FOXO1: variants seen among roughly 807,000 people sequenced by gnomAD.
FOXO1 encodes forkhead box O1.
In FOXO1, 6 loss-of-function variants were observed where a neutral mutation model predicts 44.1. The observed-to-expected ratio is 0.14, with a 90% CI of 0.07 to 0.27. The LOEUF is 0.27. Among genes scored for constraint, FOXO1 ranks in the 10% least tolerant of loss-of-function variants. The pLI, the probability that FOXO1 is intolerant of heterozygous loss-of-function variation, is 1.00. For missense variants in FOXO1, 737 were observed against 888.8 expected, an observed-to-expected ratio of 0.83 and a Z score of 2.17; for synonymous variants, 380 against 362.7, an observed-to-expected ratio of 1.05 and a Z score of -0.54.
At chr13:40,659,027 A>T (rs1877948812) in intron 1 of FOXO1, among the ~76,000 whole-genome samples, 1 of 151,062 alleles carries the variant, frequency 6.6e-6, no homozygotes, top group South Asian at 2.1e-4. Context: ...AGAAAAAGAA[A>T]AGAAAAGGAA....
intron 1 of FOXO1, among the ~76,000 whole-genome samples, chr13:40,563,638 C>T (rs1012333289): frequency 2.6e-5 from 4 of 152,134 alleles, no homozygotes; most frequent in Admixed American, 6.5e-5. Context: ...CCTCGAGACA[C>T]GCTGTGAGGA....
At chr13:40,627,091 C>T (rs1311045690) in intron 1 of FOXO1, among the ~76,000 whole-genome samples, 1 of 152,214 alleles carries the variant, frequency 6.6e-6, no homozygotes, top group Non-Finnish European at 1.5e-5. Flanking sequence ...ACTGCAATCA[C>T]CTTTGCTTCT....
rs912395244 is a variant in FOXO1 at position 40,629,541 on chromosome 13, C to T, written c.630+36042G>A. On this transcript the variant is annotated intron_variant, in intron 1 of 2. Coordinates refer to ENST00000379561, the MANE Select transcript of FOXO1 (RefSeq NM_002015.4). Reference sequence around the variant, plus strand: ...TATCCAAAATGATTGGAACCAGAAGCATTTTGGACTTTGGATTTTTTCAGA... The same window carrying T: ...TATCCAAAATGATTGGAACCAGAAGTATTTTGGACTTTGGATTTTTTCAGA... 2.0e-5 allele frequency among the ~76,000 whole-genome samples: 3 copies of T among 152,320 alleles called. No individual in the cohort carries two copies. In the East Asian group the frequency reaches 5.8e-4, roughly 29 times the overall value.
intron 1 of FOXO1, among the ~76,000 whole-genome samples, chr13:40,630,610 G>A (rs1009166447): frequency 2.6e-5 from 4 of 151,574 alleles, no homozygotes; most frequent in East Asian, 1.9e-4. Context: ...GGCCGAGATC[G>A]CGCCACTGCA....
intron 1 of FOXO1, among the ~76,000 whole-genome samples, chr13:40,575,028 T>C (rs1874689906): frequency 1.3e-5 from 2 of 152,296 alleles, no homozygotes; most frequent in Non-Finnish European, 1.5e-5. Context: ...AAATATATGA[T>C]AGACTTTAAA....
Position 40,568,783 on chromosome 13 carries a change from C to A in FOXO1, c.631-7923G>T, listed in dbSNP as rs190586642. On this transcript the variant is annotated intron_variant, in intron 1 of 2. Coordinates refer to ENST00000379561, the MANE Select transcript of FOXO1 (RefSeq NM_002015.4). ...CCCCCACTGTGCAGAGGTCTTAAAG[C>A]ATCTCCACTGATCCCAGGGCTGTGG... Among the ~76,000 whole-genome samples the A allele has an allele frequency of 9.6e-4, 146 of 152,124 alleles. 4 individuals are homozygous for A. Among genetic ancestry groups the A allele is most frequent in the Admixed American group, 7.2e-3 (110 of 15,276 alleles).
intron 1 of FOXO1, among the ~76,000 whole-genome samples, chr13:40,652,869 G>A (rs1299122769): frequency 6.6e-6 from 1 of 152,018 alleles, no homozygotes; most frequent in African/African-American, 2.4e-5. Flanking sequence ...TGGTTATTTT[G>A]CTTTCAAGCT....
In FOXO1 at chr13:40,560,041, C is replaced by T. The variant is rs200294842; in HGVS notation, c.1450G>A (p.Val484Ile). The T allele has an allele frequency of 2.5e-6, 4 of 1,613,988 alleles. No homozygotes were observed. The highest frequency in any genetic ancestry group is 1.6e-4 in the Middle Eastern group (1 of 6,084). ...AGAACCCGGCTGTTGGGCTGGGCTA[C>T]CCCAGGATCAACTGGTGTCATAATG... ...NDIMTPVDPG[V>I]AQPNSRVLGQ... The change falls in exon 2 of 3, where the codon GTA becomes ATA. Residue 484 changes from valine to isoleucine, a missense_variant. Physicochemically the swap from Val to Ile is conservative, Grantham distance 29. Around this residue, in one of 7 missense-constraint regions of FOXO1, gnomAD observed 283 missense variants for 278.1 expected, o/e 1.02. Coordinates refer to ENST00000379561, the MANE Select transcript of FOXO1 (RefSeq NM_002015.4). This position sits in a 1 kb window ranked among gnomAD's most constrained non-coding sequence, Gnocchi z 5.1.
At chr13:40,565,318 G>A (rs1047927112) in intron 1 of FOXO1, among the ~76,000 whole-genome samples, 9 of 152,102 alleles carry the variant, frequency 5.9e-5, no homozygotes, top group East Asian at 1.9e-4. Context: ...ATAAGTACAC[G>A]TAAAGAGCCA....
At chr13:40,658,621 GA>G (rs531429764) in intron 1 of FOXO1, among the ~76,000 whole-genome samples, 8 of 152,210 alleles carry the variant, frequency 5.3e-5, no homozygotes, top group African/African-American at 1.9e-4. Flanking sequence ...ATAGGAGAAG[GA>G]AAAATAAGCG....
intron 1 of FOXO1, among the ~76,000 whole-genome samples, chr13:40,568,668 C>T (rs1453907807): frequency 6.6e-6 from 1 of 152,056 alleles, no homozygotes; most frequent in African/African-American, 2.4e-5. Context: ...ATGCTTACAC[C>T]CTAGATCCTT....
In FOXO1 at chr13:40,583,699, T is replaced by C. The variant is rs530431485; in HGVS notation, c.631-22839A>G. Among the ~76,000 whole-genome samples the C allele has an allele frequency of 3.3e-5, 5 of 152,208 alleles. No individual in the cohort carries two copies. In the South Asian group the frequency reaches 1.0e-3, roughly 32 times the overall value. On this transcript the variant is annotated intron_variant, in intron 1 of 2. Coordinates refer to ENST00000379561, the MANE Select transcript of FOXO1 (RefSeq NM_002015.4). Reference sequence around the variant, plus strand: ...AAGAGTTACGGCCTTGCTCTGAACATGGCTTTGGCTTAAAGGAATGTTGTG... The same window carrying C: ...AAGAGTTACGGCCTTGCTCTGAACACGGCTTTGGCTTAAAGGAATGTTGTG...
intron 1 of FOXO1, among the ~76,000 whole-genome samples, chr13:40,583,535 A>G (rs1455903378): frequency 6.6e-6 from 1 of 152,218 alleles, no homozygotes. Flanking sequence ...CATCTTCTGG[A>G]TAACTTGCTG....
chr13:40,626,292 T>A (rs1050366661), intron 1 of FOXO1, among the ~76,000 whole-genome samples: 3 of 152,224 alleles, frequency 2.0e-5, no homozygotes, highest in Non-Finnish European at 4.4e-5. Flanking sequence ...GATTCAATAT[T>A]CACAAGTCTC....
chr13:40,607,035 A>G (rs1227746947), intron 1 of FOXO1, among the ~76,000 whole-genome samples: 1 of 152,072 alleles, frequency 6.6e-6, no homozygotes. Context: ...GTGCCACTTC[A>G]CCCTTCCCAG....
At chr13:40,638,325 T>C (rs762425203) in intron 1 of FOXO1, among the ~76,000 whole-genome samples, 12 of 151,960 alleles carry the variant, frequency 7.9e-5, no homozygotes, top group Non-Finnish European at 1.2e-4. Context: ...AGATAACTTA[T>C]AGAGGAACGT....
Position 40,665,970 on chromosome 13 carries a change from C to G in FOXO1, c.243G>C (p.Glu81Asp). 1 of 1,233,954 alleles carries G rather than the reference C, an allele frequency of 8.1e-7. No individual in the cohort carries two copies. Among genetic ancestry groups the G allele is most frequent in the Non-Finnish European group, 1.0e-6 (1 of 991,502 alleles). 76.4% of individuals were successfully genotyped at this position (1,233,954 alleles called of 1,614,324 possible). Residue 81 changes from glutamate to aspartate, a missense_variant, in exon 1 of 3, where the codon GAG becomes GAC. Coordinates refer to ENST00000379561, the MANE Select transcript of FOXO1 (RefSeq NM_002015.4). The part of the protein sequence containing the change: ...MSNLSLLEES[E>D]DFPQAPGSVA... Reference sequence around the variant, plus strand: ...CGGAGCCGGGCGCCTGCGGGAAGTCCTCGCTCTCCTCCAGCAAGCTCAGGT... The same window carrying G: ...CGGAGCCGGGCGCCTGCGGGAAGTCGTCGCTCTCCTCCAGCAAGCTCAGGT...
chr13:40,561,490 T>G (rs1874015647), intron 1 of FOXO1, among the ~76,000 whole-genome samples: 1 of 152,156 alleles, frequency 6.6e-6, no homozygotes, highest in Non-Finnish European at 1.5e-5. Flanking sequence ...CCGCTTAAAT[T>G]TTGCTTAGCT....
At chr13:40,610,972 T>G (rs770956818) in intron 1 of FOXO1, 1 of 428,304 alleles carries the variant, frequency 2.3e-6, no homozygotes, top group Non-Finnish European at 4.7e-6. Flanking sequence ...AAAAACCACA[T>G]GTATCTATAC....
Sources: gnomAD v4.1 joint callset for allele counts (sites outside exome capture counted in the v4.1 genomes callset) on GRCh38, gnomAD v4.1.1 for gene constraint, gnomAD v4.1.1 regional missense constraint, Gnocchi (gnomAD v3.1) non-coding constraint, MANE v1.5 for transcripts, NCBI Gene and HGNC (gene_info 2026-07-23, HGNC 2026-07-21) for gene names.